Variants in TNRC6A observed in about 807,000 individuals in gnomAD.
TNRC6A encodes trinucleotide repeat-containing gene 6A protein.
A neutral mutation model predicts 221.2 loss-of-function variants in TNRC6A; 44 were observed. That is an observed-to-expected ratio of 0.20 (90% CI 0.16 to 0.26). TNRC6A has a LOEUF of 0.26. Among genes scored for constraint, TNRC6A ranks in the 10% least tolerant of loss-of-function variants. TNRC6A has a pLI of 1.00. For synonymous variants in TNRC6A, 847 were observed against 838.5 expected (o/e 1.01, Z -0.18); for missense variants, 2,199 against 2,404.4 (o/e 0.91, Z 1.79).
chr16:24,675,959 A>G (rs903741028), intron 2 of TNRC6A, among the ~76,000 whole-genome samples: 1 of 151,406 alleles, frequency 6.6e-6, no homozygotes, highest in Non-Finnish European at 1.5e-5. Context: ...ACTTGTCCCA[A>G]GCAATCCTGC....
In TNRC6A at chr16:24,729,682, T is replaced by TGGCGGCGGCGGCGGCGGCGGC. The variant is rs1555495616; in HGVS notation, c.-159_-158insGCGGCGGCGGCGGCGGCGGCG. ...GGTCTGGGGCCTGCGGCGGCGGCGG[T>TGGCGGCGGCGGCGGCGGCGGC]GTCGGCGGCGGCGGCGGCGGCGGCG... On this transcript the variant is annotated 5_prime_UTR_variant, in exon 1 of 25. Transcript: ENST00000395799. 1 of 677,612 alleles carries TGGCGGCGGCGGCGGCGGCGGC rather than the reference T, an allele frequency of 1.5e-6. No individual in the cohort carries two copies. Among genetic ancestry groups the TGGCGGCGGCGGCGGCGGCGGC allele is most frequent in the African/African-American group, 2.5e-5 (1 of 39,790 alleles). 42.0% of individuals were successfully genotyped at this position (677,612 alleles called of 1,614,324 possible). A position where few individuals can be genotyped will look rare whatever the true frequency, so the allele number is the denominator to read the frequency against.
chr16:24,677,313 C>A (rs1447174159), intron 2 of TNRC6A, among the ~76,000 whole-genome samples: 3 of 152,086 alleles, frequency 2.0e-5, no homozygotes, highest in African/African-American at 7.2e-5. Context: ...CAGGCACCCA[C>A]CACCACACCC....
chr16:24,713,454 AAAT>A (rs772485709), intron 2 of TNRC6A, among the ~76,000 whole-genome samples: 9,361 of 91,692 alleles, frequency 0.1, 687 homozygotes, highest in East Asian at 0.44. Flanking sequence ...ACAAACAAAA[AAAT>A]ATATATATAT....
At chr16:24,681,251 C>T (rs978062237) in intron 2 of TNRC6A, among the ~76,000 whole-genome samples, 3 of 151,532 alleles carry the variant, frequency 2.0e-5, no homozygotes, top group Non-Finnish European at 2.9e-5. Flanking sequence ...TGTTTGAGAC[C>T]GAGTCTTGCT....
chr16:24,637,396 C>T (rs1418899983), intron 1 of TNRC6A, among the ~76,000 whole-genome samples: 1 of 152,298 alleles, frequency 6.6e-6, no homozygotes, highest in African/African-American at 2.4e-5. Context: ...CATGGGCATG[C>T]TGGATGCCAT....
chr16:24,710,664 T>G (rs781503017), intron 2 of TNRC6A, among the ~76,000 whole-genome samples: 19 of 152,134 alleles, frequency 1.2e-4, no homozygotes, highest in Non-Finnish European at 2.5e-4. Context: ...CTTTTTAATT[T>G]AGAAGCATTT....
chr16:24,771,561 TTTATGTTATGTTATGTTATGTTG>T (rs2057598817), intron 4 of TNRC6A, among the ~76,000 whole-genome samples: 2 of 99,182 alleles, frequency 2.0e-5, no homozygotes, highest in African/African-American at 8.1e-5. Context: ...TATGTTATGT[TTTATGTTATGTTATGTTATGTTG>T]TTATGTTATG....
chr16:24,782,658 A>G (rs550280565), intron 5 of TNRC6A, among the ~76,000 whole-genome samples: 1 of 152,216 alleles, frequency 6.6e-6, no homozygotes, highest in East Asian at 1.9e-4. Context: ...TGGGCGGATC[A>G]CAAGGTCAGG....
In TNRC6A at chr16:24,711,297, C is replaced by T. The variant is rs184828144; in HGVS notation, n.403-39429C>T. Among the ~76,000 whole-genome samples the T allele has an allele frequency of 1.4e-4, 21 of 152,118 alleles. No homozygotes were observed. The East Asian group carries it at 2.3e-3, about 17-fold the overall frequency. ...TGCTGGGATTACAGGCGTGAGCCAC[C>T]GCGCCTGGCCCTCATCAGACTTTTT... On this transcript the variant is annotated intron_variant and non_coding_transcript_variant, in intron 2 of 2. Transcript: ENST00000566108.
chr16:24,776,945 T>C lies in TNRC6A; in HGVS notation c.176T>C (p.Ile59Thr). The change falls in exon 5 of 25, where the codon ATA becomes ACA. Residue 59 changes from isoleucine to threonine, a missense_variant. Physicochemically the swap from Ile to Thr is moderately conservative, Grantham distance 89 (BLOSUM62 -1). Transcript: ENST00000395799. ...TEQKIKVPEQIKPSVSQPQPA... is the reference protein window; with the variant it reads ...TEQKIKVPEQTKPSVSQPQPA... ...TTGTTGGGATTAGTGCCAGAACAGA[T>C]AAAGCCCAGTGTAAGCCAGCCTCAG... The C allele has an allele frequency of 1.2e-6, 2 of 1,613,310 alleles. No individual in the cohort carries two copies. The highest frequency in any genetic ancestry group is 2.2e-5 in the South Asian group (2 of 91,052).
chr16:24,617,000 G>A (rs960075556), intron 1 of TNRC6A, among the ~76,000 whole-genome samples: 5 of 152,128 alleles, frequency 3.3e-5, no homozygotes, highest in Admixed American at 2.6e-4. Flanking sequence ...ATCATATTGT[G>A]CAAGTCTTCT....
At chr16:24,679,368 A>G (rs1399039583) in intron 2 of TNRC6A, among the ~76,000 whole-genome samples, 2 of 152,040 alleles carry the variant, frequency 1.3e-5, no homozygotes, top group African/African-American at 4.8e-5. Flanking sequence ...TAGTGGCACA[A>G]TCTTGGCTCA....
intron 2 of TNRC6A, among the ~76,000 whole-genome samples, chr16:24,712,909 G>GTGTGTGTGTGTGTGTA (rs1555492989): frequency 3.1e-4 from 4 of 12,960 alleles, no homozygotes; most frequent in East Asian, 2.1e-3. Context: ...ATGTGCCACT[G>GTGTGTGTGTGTGTGTA]TGTGTGTGTG....
chr16:24,817,667 A>T (rs143659269), intron 20 of TNRC6A, among the ~76,000 whole-genome samples: 4 of 152,342 alleles, frequency 2.6e-5, no homozygotes, highest in African/African-American at 9.6e-5. Flanking sequence ...TTAAATATTA[A>T]AAAGTATTTT....
rs187974791 is a variant in TNRC6A, at chr16:24,666,064, C to T, written n.402+25055C>T. 2.8e-3 allele frequency among the ~76,000 whole-genome samples: 426 copies of T among 152,114 alleles called. 2 individuals are homozygous for T. Among genetic ancestry groups the T allele is most frequent in the African/African-American group, 9.3e-3 (387 of 41,506 alleles). On this transcript the variant is annotated intron_variant and non_coding_transcript_variant, in intron 2 of 2. Coordinates refer to the TNRC6A transcript ENST00000566108. ...TAAGTGTGCCAGGAGCGGTGGATCA[C>T]GCCTGTAATCTCAGCACTTTGGGAG...
At chr16:24,779,677 G>T (rs1442413514) in intron 5 of TNRC6A, among the ~76,000 whole-genome samples, 2 of 152,168 alleles carry the variant, frequency 1.3e-5, no homozygotes, top group Non-Finnish European at 2.9e-5. Context: ...TTAGGAAGTA[G>T]CCTAGAGGCC....
At chr16:24,707,083 T>C (rs535906834) in intron 2 of TNRC6A, among the ~76,000 whole-genome samples, 1 of 152,022 alleles carries the variant, frequency 6.6e-6, no homozygotes, top group Non-Finnish European at 1.5e-5. Flanking sequence ...GCGGTCTCTG[T>C]CTCCAGGGTG....
At chr16:24,674,437 T>C (rs752635003) in intron 2 of TNRC6A, among the ~76,000 whole-genome samples, 23 of 151,982 alleles carry the variant, frequency 1.5e-4, no homozygotes, top group Non-Finnish European at 2.8e-4. Flanking sequence ...TAAAATAAAA[T>C]AGTATGAAAT....
chr16:24,821,088 G>A (rs1055770893), intron 22 of TNRC6A, among the ~76,000 whole-genome samples: 1 of 152,244 alleles, frequency 6.6e-6, no homozygotes, highest in Admixed American at 6.5e-5. Flanking sequence ...TTGGCTGTAG[G>A]AAAACTTGCA....
Sources: gnomAD v4.1 joint callset for allele counts (sites outside exome capture counted in the v4.1 genomes callset) on GRCh38, gnomAD v4.1.1 for gene constraint, MANE v1.5 for transcripts, NCBI Gene and HGNC (gene_info 2026-07-23, HGNC 2026-07-21) for gene names.